Variants in ETV6 observed in about 807,000 individuals in gnomAD.
ETV6 encodes the protein transcription factor ETV6.
Under a neutral mutation model 51.1 loss-of-function variants are expected in ETV6, and 16 were observed. That is an observed-to-expected ratio of 0.31 (90% CI 0.21 to 0.48). The LOEUF (loss-of-function observed/expected upper bound fraction) is 0.48. Ranked by LOEUF, ETV6 falls within the 20% of genes least tolerant of loss-of-function variation. The pLI, the probability that ETV6 is intolerant of heterozygous loss-of-function variation, is 0.99. For missense variants in ETV6, 458 were observed against 594.8 expected (o/e 0.77, Z 2.39); for synonymous variants, 240 against 224.1 (o/e 1.07, Z -0.64).
intron 2 of ETV6, among the ~76,000 whole-genome samples, chr12:11,835,582 T>C (rs1946305371): frequency 6.6e-6 from 1 of 152,206 alleles, no homozygotes; most frequent in Admixed American, 6.5e-5. Flanking sequence ...AGGACTTTAT[T>C]CCTGGATGCA....
chr12:11,650,506 A>AC (rs1863883458), intron 1 of ETV6, among the ~76,000 whole-genome samples: 3 of 138,906 alleles, frequency 2.2e-5, no homozygotes, highest in Admixed American at 7.2e-5. Context: ...CAAAAAACAA[A>AC]AAAAAAAAAC....
intron 1 of ETV6, among the ~76,000 whole-genome samples, chr12:11,652,549 C>T (rs1198869684): frequency 6.6e-6 from 1 of 152,126 alleles, no homozygotes; most frequent in East Asian, 1.9e-4. Flanking sequence ...CCTGATATAC[C>T]GAACTCCTGT....
At chr12:11,858,940 A>AG (rs557789131) in intron 4 of ETV6, among the ~76,000 whole-genome samples, 70 of 152,146 alleles carry the variant, frequency 4.6e-4, no homozygotes, top group African/African-American at 1.5e-3. Context: ...AAAGATGGAG[A>AG]GGGTGGCATG....
intron 2 of ETV6, among the ~76,000 whole-genome samples, chr12:11,838,175 A>C (rs989618901): frequency 3.9e-5 from 6 of 152,224 alleles, no homozygotes; most frequent in African/African-American, 1.2e-4. Flanking sequence ...CTTCTAGAAC[A>C]TTCCACCTAA....
At chr12:11,710,292 C>T (rs954438435) in intron 1 of ETV6, among the ~76,000 whole-genome samples, 10 of 152,042 alleles carry the variant, frequency 6.6e-5, no homozygotes, top group South Asian at 4.2e-4. Flanking sequence ...TATGGTTTCC[C>T]GTACCTTCTC....
chr12:11,748,717 A>G (rs915652760), intron 1 of ETV6, among the ~76,000 whole-genome samples: 5 of 152,136 alleles, frequency 3.3e-5, no homozygotes, highest in African/African-American at 1.2e-4. Context: ...GTATACACCT[A>G]TTTTACAGGG....
chr12:11,688,052 A>G (rs909263049), intron 1 of ETV6, among the ~76,000 whole-genome samples: 3 of 152,314 alleles, frequency 2.0e-5, no homozygotes, highest in African/African-American at 7.2e-5. Context: ...GAGTGAGGTT[A>G]GCTAACAGGC....
In ETV6 at chr12:11,892,725, CCAG is replaced by C. The variant is rs1434784876; in HGVS notation, c.*1680_*1682del. On this transcript the variant is annotated 3_prime_UTR_variant, in exon 8 of 8. Transcript: ENST00000396373. ...CAGCAGCAGCTCCCAGGTGAAGTTACCAGACCCCTGGGCTTCTCCCCAGCTTTT... is the reference window on the plus strand; with the variant it reads ...CAGCAGCAGCTCCCAGGTGAAGTTACACCCCTGGGCTTCTCCCCAGCTTTT... 3 of 233,008 alleles carry C rather than the reference CCAG, an allele frequency of 1.3e-5. No homozygotes were observed. Among genetic ancestry groups the C allele is most frequent in the Non-Finnish European group, 2.5e-5 (3 of 117,976 alleles). 14.4% of individuals were successfully genotyped at this position (233,008 alleles called of 1,614,324 possible). A position where few individuals can be genotyped will look rare whatever the true frequency, so the allele number is the denominator to read the frequency against.
chr12:11,692,879 C>T (rs1201669939), intron 1 of ETV6, among the ~76,000 whole-genome samples: 1 of 151,968 alleles, frequency 6.6e-6, no homozygotes, highest in Non-Finnish European at 1.5e-5. Context: ...ACGAAGCCAT[C>T]TCTACAAAAA....
chr12:11,781,147 GT>G lies in ETV6; in HGVS notation c.163+28571del, dbSNP rs371600558. On this transcript the variant is annotated intron_variant, in intron 2 of 7. Coordinates refer to ENST00000396373, the MANE Select transcript of ETV6 (RefSeq NM_001987.5). ...GTACAATGTCCAACTCTTAGGAAGT[GT>G]TTATTTTTCAATTGCCTTTAATAAT... is the stretch of plus-strand genomic sequence containing the variant. Among the ~76,000 whole-genome samples, 585 of 152,320 alleles carry G rather than the reference GT, an allele frequency of 3.8e-3. 2 individuals carry two copies. Among genetic ancestry groups the G allele is most frequent in the African/African-American group, 0.014 (565 of 41,564 alleles).
chr12:11,867,944 T>G (rs764957000), intron 4 of ETV6, among the ~76,000 whole-genome samples: 12 of 152,174 alleles, frequency 7.9e-5, no homozygotes, highest in Non-Finnish European at 1.0e-4. Flanking sequence ...TGTGTGCCGG[T>G]CCATTCCCCG....
chr12:11,661,772 G>A (rs1864104692), intron 1 of ETV6, among the ~76,000 whole-genome samples: 1 of 152,224 alleles, frequency 6.6e-6, no homozygotes, highest in Non-Finnish European at 1.5e-5. Flanking sequence ...AAGAAACAAA[G>A]GCTCCCTTTC....
At chr12:11,866,049 G>T (rs1946786742) in intron 4 of ETV6, among the ~76,000 whole-genome samples, 1 of 152,056 alleles carries the variant, frequency 6.6e-6, no homozygotes. Flanking sequence ...GGTCACTGAG[G>T]ATTTGTTTTG....
intron 1 of ETV6, among the ~76,000 whole-genome samples, chr12:11,730,451 G>A (rs1031572199): frequency 2.0e-5 from 3 of 152,248 alleles, no homozygotes; most frequent in African/African-American, 7.2e-5. Context: ...GTGCACAAAG[G>A]TGCAAGTCAC....
chr12:11,670,062 G>C (rs1286394160), intron 1 of ETV6, among the ~76,000 whole-genome samples: 3 of 150,872 alleles, frequency 2.0e-5, no homozygotes. Context: ...GCTTGTTCAT[G>C]TTGTAGTTCA....
At chr12:11,659,061 A>G (rs779740912) in intron 1 of ETV6, among the ~76,000 whole-genome samples, 10 of 152,246 alleles carry the variant, frequency 6.6e-5, no homozygotes, top group Admixed American at 1.3e-4. Context: ...GTCTGACCAC[A>G]GAACAGACAC....
intron 5 of ETV6, 121 bp from the exon 6 acceptor site, chr12:11,884,324 T>A: frequency 9.2e-7 from 1 of 1,088,062 alleles, no homozygotes; most frequent in South Asian, 1.4e-5. Flanking sequence ...AGGAAGTTAG[T>A]TAGACAATCA....
At chr12:11,711,536 T>C (rs1865171667) in intron 1 of ETV6, among the ~76,000 whole-genome samples, 1 of 152,246 alleles carries the variant, frequency 6.6e-6, no homozygotes, top group Non-Finnish European at 1.5e-5. Context: ...TAGATACCAG[T>C]ATATAGAGAT....
At chr12:11,890,908 A>G in intron 7 of ETV6, 33 bp from the exon 8 acceptor site, 1 of 1,535,936 alleles carries the variant, frequency 6.5e-7, no homozygotes, top group East Asian at 2.2e-5. Context: ...AGGAAAATGG[A>G]ATCTCTTACC....
Sources: allele counts gnomAD v4.1 joint callset (sites outside exome capture counted in the v4.1 genomes callset), GRCh38; gene constraint gnomAD v4.1.1; transcripts MANE v1.5; gene names NCBI Gene and HGNC (gene_info 2026-07-23, HGNC 2026-07-21).